Variants in MACF1 observed in about 807,000 individuals in gnomAD.
MACF1 encodes the protein microtubule-actin cross-linking factor 1.
In MACF1, 193 loss-of-function variants were observed where a neutral mutation model predicts 854.8. The observed-to-expected ratio is 0.23, with a 90% CI of 0.20 to 0.25. The LOEUF (loss-of-function observed/expected upper bound fraction) is 0.25, where lower values mean the gene tolerates loss of function less well. Ranked by LOEUF, MACF1 falls within the 10% of genes least tolerant of loss-of-function variation. The pLI is 1.00. For synonymous variants in MACF1, 3,185 were observed against 3,226.7 expected, an observed-to-expected ratio of 0.99 and a Z score of 0.44; for missense variants, 7,722 against 8,929.1, an observed-to-expected ratio of 0.86 and a Z score of 5.45.
chr1:39,375,445 G>A lies in MACF1; in HGVS notation c.13213+2849G>A, dbSNP rs1649640255. Among the ~76,000 whole-genome samples, 7 of 152,128 alleles carry A rather than the reference G, an allele frequency of 4.6e-5. No homozygotes were observed. In the South Asian group the frequency reaches 1.5e-3, roughly 32 times the overall value. On this transcript the variant is annotated intron_variant, in intron 52 of 100. Coordinates refer to ENST00000564288, the MANE Select transcript of MACF1 (RefSeq NM_001394062.1). ...GCCTCCCAAGTAGCTGGGACTACAG[G>A]CACCTGCCACCACGCCTGGCTAATT... is the stretch of plus-strand genomic sequence containing the variant.
intron 25 of MACF1, 24 bp downstream of exon 25, chr1:39,310,452 A>G: frequency 1.3e-6 from 2 of 1,599,718 alleles, no homozygotes; most frequent in Non-Finnish European, 1.7e-6. Flanking sequence ...GAAGAGGGAA[A>G]GAGAATAGTA....
At position 39,447,824 on chromosome 1, in the gene MACF1, C is replaced by T; in HGVS notation, c.19894C>T (p.Arg6632Ter). ...IKNLLVSVQS[R>*]WEKVVQRSIE... ...GAATTTGTTGGTGAGCGTGCAGTCT[C>T]GATGGGAGAAGGTTGTCCAGCGATC... Residue 6632 changes from arginine (R) to a stop codon, truncating the protein, a stop_gained, in exon 82 of 101, where the codon CGA becomes TGA. Coordinates refer to ENST00000564288, the MANE Select transcript of MACF1 (RefSeq NM_001394062.1). LOFTEE classifies it high-confidence loss of function. The T allele has an allele frequency of 6.2e-7, 1 of 1,613,290 alleles. No individual in the cohort carries two copies. Among genetic ancestry groups the T allele is most frequent in the Non-Finnish European group, 8.5e-7 (1 of 1,179,712 alleles).
At chr1:39,180,338 A>G (rs1279765117) in intron 2 of MACF1, among the ~76,000 whole-genome samples, 1 of 152,086 alleles carries the variant, frequency 6.6e-6, no homozygotes, top group African/African-American at 2.4e-5. Context: ...GATATAGGCC[A>G]GGCATGGTGG....
chr1:39,436,457 G>T, intron 70 of MACF1: 9 of 1,613,744 alleles, frequency 5.6e-6, no homozygotes, highest in Non-Finnish European at 7.6e-6. Context: ...TTTCATTGTT[G>T]TGTTGACCGC....
chr1:39,169,536 G>A (rs868247760), intron 2 of MACF1, among the ~76,000 whole-genome samples: 68 of 151,150 alleles, frequency 4.5e-4, no homozygotes, highest in African/African-American at 1.4e-3. Flanking sequence ...AGCCCAGGAG[G>A]TCCAGGCTGC....
chr1:39,331,134 C>T, intron 36 of MACF1, 69 bp from the exon 37 acceptor site: 2 of 1,451,038 alleles, frequency 1.4e-6, no homozygotes, highest in East Asian at 5.0e-5. Context: ...TGTGCTTTGC[C>T]ATTGGCTCTG....
chr1:39,138,972 A>G (rs1362808410), intron 2 of MACF1, among the ~76,000 whole-genome samples: 1 of 151,950 alleles, frequency 6.6e-6, no homozygotes, highest in African/African-American at 2.4e-5. Context: ...GCCTAGGCCA[A>G]ATAATTTTTA....
chr1:39,116,790 G>A (rs368958451), intron 2 of MACF1, among the ~76,000 whole-genome samples: 5 of 152,210 alleles, frequency 3.3e-5, no homozygotes, highest in African/African-American at 1.2e-4. Context: ...GACATAGAGA[G>A]AGGCTTTCCT....
At chr1:39,383,851 T>C (rs1167816616) in intron 56 of MACF1, among the ~76,000 whole-genome samples, 1 of 151,842 alleles carries the variant, frequency 6.6e-6, no homozygotes, top group Non-Finnish European at 1.5e-5. Context: ...CACTCCAGCC[T>C]GGGCAACAGA....
At chr1:39,089,209 T>A (rs1300229267) in intron 2 of MACF1, among the ~76,000 whole-genome samples, 1 of 152,094 alleles carries the variant, frequency 6.6e-6, no homozygotes, top group Admixed American at 6.5e-5. Flanking sequence ...ATTTTTTTTT[T>A]AAGTAGTTAG....
chr1:39,269,655 T>G (rs1315320825), intron 6 of MACF1: 4 of 1,289,652 alleles, frequency 3.1e-6, no homozygotes, highest in Non-Finnish European at 4.0e-6. Flanking sequence ...CTCTACTTCC[T>G]TCTCAGAAGA....
Position 39,442,247 on chromosome 1 carries a change from A to G in MACF1, c.18875A>G (p.Asp6292Gly). 1 of 1,610,260 alleles carries G rather than the reference A, an allele frequency of 6.2e-7. No homozygotes were observed. Among genetic ancestry groups the G allele is most frequent in the East Asian group, 2.2e-5 (1 of 44,862 alleles). ...LKKATDETDR[D>G]IIREPLTELK... The stretch of plus-strand genomic sequence containing the variant: ...AAAGCTACTGATGAGACGGACAGAG[A>G]CATTATACGAGAACCACTGACAGAA... The change falls in exon 76 of 101, where the codon GAC (aspartate) becomes GGC (glycine). Residue 6292 changes from aspartate (D) to glycine (G), a missense_variant. Transcript: ENST00000564288.
In MACF1 at chr1:39,334,827, G is replaced by A; in HGVS notation, c.8239G>A (p.Glu2747Lys). 6.2e-7 allele frequency: 1 copy of A among 1,614,138 alleles called. No homozygotes were observed. Among genetic ancestry groups the A allele is most frequent in the Non-Finnish European group, 8.5e-7 (1 of 1,180,008 alleles). ...DQRVTLVEAI[E>K]KRLISPELAN... is the part of the protein sequence containing the mutation. ...GAGAGTGACTTTAGTAGAAGCTATT[G>A]AGAAAAGACTGATCAGCCCTGAACT... Residue 2747 changes from glutamate to lysine, a missense_variant, in exon 37 of 101, where the codon GAG becomes AAG. Coordinates refer to ENST00000564288, the MANE Select transcript of MACF1 (RefSeq NM_001394062.1).
At chr1:39,328,383 A>G (rs1031096309) in intron 36 of MACF1, 4 of 152,070 alleles carry the variant, frequency 2.6e-5, no homozygotes, top group Admixed American at 2.0e-4. Flanking sequence ...AAGAGGGGGG[A>G]AAAGGAAAAA....
chr1:39,324,131 G>A, intron 33 of MACF1, 62 bp from the exon 34 acceptor site: 1 of 1,496,192 alleles, frequency 6.7e-7, no homozygotes, highest in Non-Finnish European at 9.0e-7. Context: ...AAGAAAATCT[G>A]AAGTCGTGCC....
intron 2 of MACF1, among the ~76,000 whole-genome samples, chr1:39,169,403 C>G (rs763044549): frequency 2.0e-5 from 3 of 152,106 alleles, no homozygotes; most frequent in Non-Finnish European, 2.9e-5. Context: ...TGAGACCAGG[C>G]TAGGCAACAT....
intron 2 of MACF1, among the ~76,000 whole-genome samples, chr1:39,172,519 A>T (rs1445487177): frequency 6.6e-6 from 1 of 152,186 alleles, no homozygotes; most frequent in African/African-American, 2.4e-5. Flanking sequence ...GGTCAGAGCC[A>T]TGTGGGGCCT....
intron 58 of MACF1, among the ~76,000 whole-genome samples, chr1:39,400,988 G>C (rs921329419): frequency 6.6e-6 from 1 of 152,152 alleles, no homozygotes; most frequent in Admixed American, 6.5e-5. Flanking sequence ...TGGATAGAGA[G>C]CCTTCCTGAG....
chr1:39,419,562 C>T (rs1569999316), intron 58 of MACF1, among the ~76,000 whole-genome samples: 1 of 152,158 alleles, frequency 6.6e-6, no homozygotes, highest in African/African-American at 2.4e-5. Flanking sequence ...TGTTCCCAAG[C>T]ATTTTGGATA....
Sources: gnomAD v4.1 joint callset for allele counts (sites outside exome capture counted in the v4.1 genomes callset) on GRCh38, gnomAD v4.1.1 for gene constraint, MANE v1.5 for transcripts, NCBI Gene and HGNC (gene_info 2026-07-23, HGNC 2026-07-21) for gene names.